Variants in TNFRSF11B observed in about 807,000 individuals in gnomAD.
The protein encoded by TNFRSF11B is TNF receptor superfamily member 11b.
In TNFRSF11B, 16 loss-of-function variants were observed where a neutral mutation model predicts 43.4. The ratio of observed to expected loss-of-function variants is 0.37; its 90% CI spans 0.25 to 0.56. The LOEUF (loss-of-function observed/expected upper bound fraction) is 0.56. Ranked by LOEUF, TNFRSF11B falls within the 20% of genes least tolerant of loss-of-function variation. TNFRSF11B has a pLI of 0.80. For synonymous variants in TNFRSF11B, 185 were observed against 181.8 expected (o/e 1.02, Z -0.14); for missense variants, 444 against 490.1 (o/e 0.91, Z 0.89).
intron 1 of TNFRSF11B, among the ~76,000 whole-genome samples, chr8:118,941,708 A>G (rs1178540529): frequency 2.0e-5 from 3 of 152,174 alleles, no homozygotes. Context: ...TGACAGATTA[A>G]CAAATGAAGG....
intron 2 of TNFRSF11B, among the ~76,000 whole-genome samples, chr8:118,932,240 A>T (rs748770353): frequency 1.3e-5 from 2 of 152,232 alleles, no homozygotes; most frequent in Non-Finnish European, 2.9e-5. Flanking sequence ...AAGATTCAAT[A>T]CACATGAGCC....
intron 1 of TNFRSF11B, among the ~76,000 whole-genome samples, chr8:118,948,030 T>C (rs1009245856): frequency 1.3e-5 from 2 of 152,220 alleles, no homozygotes; most frequent in African/African-American, 4.8e-5. Context: ...GTAAAATATA[T>C]GCACTCTGAA....
At chr8:118,934,308 G>A (rs546024395) in intron 1 of TNFRSF11B, among the ~76,000 whole-genome samples, 7 of 152,294 alleles carry the variant, frequency 4.6e-5, no homozygotes, top group East Asian at 1.9e-4. Flanking sequence ...GCAGTTCACC[G>A]AAAAGATTCC....
At chr8:118,929,808 G>C (rs1190016770) in intron 2 of TNFRSF11B, among the ~76,000 whole-genome samples, 1 of 152,176 alleles carries the variant, frequency 6.6e-6, no homozygotes, top group Non-Finnish European at 1.5e-5. Context: ...GTGTAAGCTA[G>C]TTGAACAGAT....
At chr8:118,947,057 T>G (rs1812574291) in intron 1 of TNFRSF11B, among the ~76,000 whole-genome samples, 2 of 152,176 alleles carry the variant, frequency 1.3e-5, no homozygotes, top group African/African-American at 4.8e-5. Flanking sequence ...ATCTGGTACA[T>G]TTTTGTTACT....
chr8:118,938,061 C>T (rs1441395264), intron 1 of TNFRSF11B, among the ~76,000 whole-genome samples: 1 of 152,008 alleles, frequency 6.6e-6, no homozygotes. Context: ...AATAATTCCC[C>T]ATATTTAAGA....
In TNFRSF11B at chr8:118,924,497, G is replaced by A. The variant is rs1812222320; in HGVS notation, c.1083C>T (p.Val361=). 6.2e-7 allele frequency: 1 copy of A among 1,614,068 alleles called. No homozygotes were observed. Among genetic ancestry groups the A allele is most frequent in the East Asian group, 2.2e-5 (1 of 44,896 alleles). The part of the protein sequence containing the change: ...HSKTYHFPKT[V]TQSLKKTIRF... Reference sequence around the variant, plus strand: ...TGATGGTCTTCTTTAGACTCTGAGTGACAGTTTTGGGAAAGTGGTACGTCT... The same window carrying A: ...TGATGGTCTTCTTTAGACTCTGAGTAACAGTTTTGGGAAAGTGGTACGTCT... Residue 361 remains valine, a synonymous_variant, in exon 5 of 5, where the codon GTC becomes GTT. Coordinates refer to ENST00000297350, the MANE Select transcript of TNFRSF11B (RefSeq NM_002546.4).
intron 2 of TNFRSF11B, among the ~76,000 whole-genome samples, chr8:118,932,109 T>C (rs11573908): frequency 6.6e-6 from 1 of 152,232 alleles, no homozygotes; most frequent in Admixed American, 6.5e-5. Flanking sequence ...TCAGAATCTA[T>C]ACTGATTACT....
chr8:118,939,837 A>T (rs1456832234), intron 1 of TNFRSF11B, among the ~76,000 whole-genome samples: 4 of 152,230 alleles, frequency 2.6e-5, no homozygotes, highest in Non-Finnish European at 5.9e-5. Flanking sequence ...ACATTACCCA[A>T]AGAAATTGTG....
At chr8:118,936,813 C>CA (rs1194251813) in intron 1 of TNFRSF11B, among the ~76,000 whole-genome samples, 1 of 151,752 alleles carries the variant, frequency 6.6e-6, no homozygotes, top group Non-Finnish European at 1.5e-5. Context: ...AAAACAAAAA[C>CA]AAAACAAAAC....
At chr8:118,938,766 A>G (rs3102725) in intron 1 of TNFRSF11B, among the ~76,000 whole-genome samples, 142,145 of 152,248 alleles carry the variant, frequency 0.93, 66,394 homozygotes, top group South Asian at 0.96. Context: ...GATCACAACT[A>G]ATTTGACTAG....
At chr8:118,932,802 C>T in intron 2 of TNFRSF11B, 129 bp downstream of exon 2, 2 of 1,184,130 alleles carry the variant, frequency 1.7e-6, no homozygotes, top group Non-Finnish European at 2.4e-6. Flanking sequence ...TAGTACCTAC[C>T]TGGCAGGTTT....
intron 2 of TNFRSF11B, among the ~76,000 whole-genome samples, chr8:118,931,560 C>G (rs1812329749): frequency 6.6e-6 from 1 of 152,144 alleles, no homozygotes; most frequent in Admixed American, 6.6e-5. Context: ...CTGACACACA[C>G]ACAACTTAGC....
Position 118,924,470 on chromosome 8 carries a change from C to A in TNFRSF11B, c.1110G>T (p.Arg370Ser). 1 of 1,613,980 alleles carries A rather than the reference C, an allele frequency of 6.2e-7. No individual in the cohort carries two copies. The highest frequency in any genetic ancestry group is 1.3e-5 in the African/African-American group (1 of 74,992). ...TVTQSLKKTI[R>S]FLHSFTMYKL... is the part of the protein sequence containing the mutation. ...TGTACATTGTGAAGCTGTGAAGGAA[C>A]CTGATGGTCTTCTTTAGACTCTGAG... The change falls in exon 5 of 5, where the codon AGG (arginine) becomes AGT (serine). Residue 370 changes from arginine to serine, a missense_variant. Coordinates refer to ENST00000297350, the MANE Select transcript of TNFRSF11B (RefSeq NM_002546.4).
At chr8:118,950,976 G>A (rs1812635208) in intron 1 of TNFRSF11B, among the ~76,000 whole-genome samples, 1 of 152,006 alleles carries the variant, frequency 6.6e-6, no homozygotes, top group East Asian at 1.9e-4. Flanking sequence ...ACACTCTAGT[G>A]TCATAGAGAA....
In TNFRSF11B at chr8:118,923,880, T is replaced by C. The variant is rs956110476; in HGVS notation, c.*494A>G. ...ACAGAATATAATTTTCTTTCTAAAA[T>C]TAAGTCATACCGTTTCTTTATAGGA... On this transcript the variant is annotated 3_prime_UTR_variant, in exon 5 of 5. Coordinates refer to ENST00000297350, the MANE Select transcript of TNFRSF11B (RefSeq NM_002546.4). 6 of 152,808 alleles carry C rather than the reference T, an allele frequency of 3.9e-5. No homozygotes were observed. The highest frequency in any genetic ancestry group is 1.4e-4 in the African/African-American group (6 of 41,450). 9.5% of individuals were successfully genotyped at this position (152,808 alleles called of 1,614,324 possible).
rs755350563 is a variant in TNFRSF11B at position 118,933,045 on chromosome 8, C to T, written c.286G>A (p.Glu96Lys). The change falls in exon 2 of 5, where the codon GAG becomes AAG. Residue 96 changes from glutamate to lysine, a missense_variant. By Grantham distance (56) the Glu-to-Lys change is moderately conservative (BLOSUM62 1). Coordinates refer to ENST00000297350, the MANE Select transcript of TNFRSF11B (RefSeq NM_002546.4). Reference protein sequence around the residue: ...VCKELQYVKQECNRTHNRVCE... With the variant: ...VCKELQYVKQKCNRTHNRVCE... ...ACGCGGTTGTGGGTGCGATTGCACT[C>T]CTGCTTGACGTACTGCAGCTCCTTG... 6.2e-7 allele frequency: 1 copy of T among 1,614,188 alleles called. No individual in the cohort carries two copies. Among genetic ancestry groups the T allele is most frequent in the Non-Finnish European group, 8.5e-7 (1 of 1,180,032 alleles).
intron 1 of TNFRSF11B, among the ~76,000 whole-genome samples, chr8:118,943,947 G>A (rs976595779): frequency 2.0e-5 from 3 of 152,142 alleles, no homozygotes; most frequent in Non-Finnish European, 4.4e-5. Context: ...AATTTTCGAA[G>A]TTTCAGCAGC....
chr8:118,935,182 T>G (rs1434547883), intron 1 of TNFRSF11B, among the ~76,000 whole-genome samples: 1 of 152,200 alleles, frequency 6.6e-6, no homozygotes, highest in Non-Finnish European at 1.5e-5. Flanking sequence ...TGAAAGCATC[T>G]TCTTGAATTT....
Sources: gnomAD v4.1 joint callset for allele counts (sites outside exome capture counted in the v4.1 genomes callset) on GRCh38, gnomAD v4.1.1 for gene constraint, MANE v1.5 for transcripts, NCBI Gene and HGNC (gene_info 2026-07-23, HGNC 2026-07-21) for gene names.